BAHCC1: variants seen among roughly 807,000 people sequenced by gnomAD.
BAHCC1 encodes BAH and coiled-coil domain-containing protein 1.
In BAHCC1, 43 loss-of-function variants were observed where a neutral mutation model predicts 88.2. The observed-to-expected ratio is 0.49, with a 90% CI of 0.38 to 0.63. The LOEUF is 0.63. Ranked by LOEUF, BAHCC1 falls within the 20% of genes least tolerant of loss-of-function variation. The pLI, the probability that BAHCC1 is intolerant of heterozygous loss-of-function variation, is 0.00. For synonymous variants in BAHCC1, 1,510 were observed against 745.5 expected, an observed-to-expected ratio of 2.03 and a Z score of -16.71; for missense variants, 3,023 against 1,654.8, an observed-to-expected ratio of 1.83 and a Z score of -14.34.
rs782371402 is a variant in BAHCC1, at chr17:81,442,399, C to T, written c.1050C>T (p.Tyr350=). 23 of 698,750 alleles carry T rather than the reference C, an allele frequency of 3.3e-5. No homozygotes were observed. Among genetic ancestry groups the T allele is most frequent in the Admixed American group, 1.1e-4 (5 of 47,504 alleles). 43.3% of individuals were successfully genotyped at this position (698,750 alleles called of 1,614,324 possible). A position where few individuals can be genotyped will look rare whatever the true frequency, so the allele number is the denominator to read the frequency against. The stretch of plus-strand genomic sequence containing the variant: ...AGATGCTACACCACACCGCATCCTA[C>T]GCCGGGCCACCCCCGCCCCTCAGCA... ...RRQMLHHTAS[Y]AGPPPPLSTA... The change falls in exon 5 of 28, where the codon TAC becomes TAT. Residue 350 remains tyrosine, a synonymous_variant. Coordinates refer to ENST00000675386, the MANE Select transcript of BAHCC1 (RefSeq NM_001377448.1).
Position 81,447,448 on chromosome 17 carries a change from G to A in BAHCC1, c.3576G>A (p.Gln1192=). The A allele has an allele frequency of 1.3e-6, 1 of 744,186 alleles. No homozygotes were observed. The allele number at this position is 744,186 out of a possible 1,614,324, so 46.1% of individuals were successfully genotyped here. A position where few individuals can be genotyped will look rare whatever the true frequency, so the allele number is the denominator to read the frequency against. The change falls in exon 11 of 28, where the codon CAG becomes CAA. Residue 1192 remains glutamine (Q), a synonymous_variant. Transcript: ENST00000675386. Reference sequence around the variant, plus strand: ...AGAGGAGCAGGGAGGAGGGGGAGCAGGGGCCCTCGTCAGGGGCCTCCTCCC... The same window carrying A: ...AGAGGAGCAGGGAGGAGGGGGAGCAAGGGCCCTCGTCAGGGGCCTCCTCCC... ...REERSREEGE[Q]GPSSGASSQV...
Position 81,464,931 on chromosome 17 carries a change from C to T in BAHCC1, c.*1114C>T, listed in dbSNP as rs942312945. On this transcript the variant is annotated 3_prime_UTR_variant, in exon 28 of 28. Transcript: ENST00000675386. ...AAGTAGTAGGTGCCGTGAGAAGGGG[C>T]AGTTTGGCCAGGTTCCTGAACTGGG... is the stretch of plus-strand genomic sequence containing the variant. 1 of 152,224 alleles carries T rather than the reference C, an allele frequency of 6.6e-6. No homozygotes were observed. The highest frequency in any genetic ancestry group is 1.5e-5 in the Non-Finnish European group (1 of 68,068). The allele number at this position is 152,224 out of a possible 1,614,324, so 9.4% of individuals were successfully genotyped here.
intron 13 of BAHCC1, 85 bp from the exon 14 acceptor site, chr17:81,452,638 C>G: frequency 1.7e-6 from 1 of 599,124 alleles, no homozygotes; most frequent in Non-Finnish European, 3.0e-6. Context: ...CCCAGTAGCC[C>G]TCGAAGGCCA....
chr17:81,419,543 G>A (rs966464997), intron 2 of BAHCC1, among the ~76,000 whole-genome samples: 5 of 152,188 alleles, frequency 3.3e-5, no homozygotes, highest in Non-Finnish European at 7.4e-5. Flanking sequence ...GGTGTCCCCC[G>A]CCTGGGCGGG....
In BAHCC1 at chr17:81,452,860, T is replaced by C. The variant is rs1555656230; in HGVS notation, c.4445+9T>C. On this transcript the variant is annotated intron_variant, in intron 14 of 27. Coordinates refer to ENST00000675386, the MANE Select transcript of BAHCC1 (RefSeq NM_001377448.1). ...GATGGCAAGAAAGTCAAGTGAGTCC[T>C]GGGCACTGGCATGGCAGGGCGCGTG... is the stretch of plus-strand genomic sequence containing the variant. 1.4e-6 allele frequency: 1 copy of C among 737,156 alleles called. No individual in the cohort carries two copies. Among genetic ancestry groups the C allele is most frequent in the Admixed American group, 1.9e-5 (1 of 51,814 alleles). 45.7% of individuals were successfully genotyped at this position (737,156 alleles called of 1,614,324 possible).
chr17:81,443,181 G>A lies in BAHCC1; in HGVS notation c.1832G>A (p.Ser611Asn), dbSNP rs782101382. ...GGCGCCTACCTGGACCCCTTTGGCA[G>A]TGGCCTGCAGCAGGCGGCTCTTCTG... ...KAGAYLDPFG[S>N]GLQQAALLPQ... The change falls in exon 5 of 28, where the codon AGT becomes AAT. Residue 611 changes from serine (S) to asparagine (N), a missense_variant. Transcript: ENST00000675386. 1.3e-6 allele frequency: 1 copy of A among 779,150 alleles called. No homozygotes were observed. The highest frequency in any genetic ancestry group is 2.4e-5 in the East Asian group (1 of 41,250). 48.3% of individuals were successfully genotyped at this position (779,150 alleles called of 1,614,324 possible).
At chr17:81,403,531 C>A (rs889353669) in intron 2 of BAHCC1, among the ~76,000 whole-genome samples, 8 of 151,546 alleles carry the variant, frequency 5.3e-5, no homozygotes, top group Non-Finnish European at 1.2e-4. Flanking sequence ...CCAAAAAATA[C>A]CCCCAACTTG....
At position 81,447,061 on chromosome 17, in the gene BAHCC1, C is replaced by T. The variant is rs782141677; in HGVS notation, c.3189C>T (p.Pro1063=). 3 of 779,382 alleles carry T rather than the reference C, an allele frequency of 3.8e-6. No homozygotes were observed. The highest frequency in any genetic ancestry group is 2.7e-5 in the South Asian group (2 of 74,626). The allele number at this position is 779,382 out of a possible 1,614,324, so 48.3% of individuals were successfully genotyped here. A position where few individuals can be genotyped will look rare whatever the true frequency, so the allele number is the denominator to read the frequency against. ...ACCTGCCTCCCGGATACCTGCGCCC[C>T]ATGGCTGGCCTGGGCTTCTCCCTAC... ...EPDLPPGYLR[P]MAGLGFSLPS... The change falls in exon 11 of 28, where the codon CCC becomes CCT. Residue 1063 remains proline (P), a synonymous_variant. Coordinates refer to ENST00000675386, the MANE Select transcript of BAHCC1 (RefSeq NM_001377448.1).
At chr17:81,444,109 C>T (rs2064476655) in intron 6 of BAHCC1, 192 bp downstream of exon 6, 2 of 604,886 alleles carry the variant, frequency 3.3e-6, no homozygotes, top group Non-Finnish European at 5.9e-6. Flanking sequence ...TCAGTTAACC[C>T]CTTGCAGCGG....
intron 3 of BAHCC1, among the ~76,000 whole-genome samples, chr17:81,437,731 G>T (rs558381454): frequency 6.6e-6 from 1 of 152,110 alleles, no homozygotes; most frequent in Non-Finnish European, 1.5e-5. Flanking sequence ...GGCATGACTC[G>T]GAGTCACCGC....
In BAHCC1 at chr17:81,442,643, G is replaced by A. The variant is rs544465445; in HGVS notation, c.1294G>A (p.Asp432Asn). ...DRHLEGTMAPDHAAPYGVSYA... is the reference protein window; with the variant it reads ...DRHLEGTMAPNHAAPYGVSYA... Reference sequence around the variant, plus strand: ...GCACCTGGAGGGAACCATGGCCCCCGACCACGCTGCACCCTATGGAGTCTC... The same window carrying A: ...GCACCTGGAGGGAACCATGGCCCCCAACCACGCTGCACCCTATGGAGTCTC... Residue 432 changes from aspartate (D) to asparagine (N), a missense_variant, in exon 5 of 28, where the codon GAC becomes AAC. Physicochemically the swap from Asp to Asn is conservative, Grantham distance 23. Transcript: ENST00000675386. 1.2e-5 allele frequency: 9 copies of A among 776,180 alleles called. No individual in the cohort carries two copies. Among genetic ancestry groups the A allele is most frequent in the Middle Eastern group, 2.3e-4 (1 of 4,428 alleles). 48.1% of individuals were successfully genotyped at this position (776,180 alleles called of 1,614,324 possible). A position where few individuals can be genotyped will look rare whatever the true frequency, so the allele number is the denominator to read the frequency against.
chr17:81,461,548 G>T lies in BAHCC1; in HGVS notation c.6885G>T (p.Glu2295Asp). The T allele has an allele frequency of 1.4e-6, 1 of 725,916 alleles. No individual in the cohort carries two copies. Among genetic ancestry groups the T allele is most frequent in the East Asian group, 2.6e-5 (1 of 38,192 alleles). The allele number at this position is 725,916 out of a possible 1,614,324, so 45.0% of individuals were successfully genotyped here. Reference protein sequence around the residue: ...DSDCHSSFSDEDEDGPGLAAG... With the variant: ...DSDCHSSFSDDDEDGPGLAAG... Reference sequence around the variant, plus strand: ...ACTGCCACAGCTCCTTCTCGGACGAGGACGAGGACGGGCCGGGGCTGGCGG... The same window carrying T: ...ACTGCCACAGCTCCTTCTCGGACGATGACGAGGACGGGCCGGGGCTGGCGG... The change falls in exon 26 of 28, where the codon GAG becomes GAT. Residue 2295 changes from glutamate (E) to aspartate (D), a missense_variant. Coordinates refer to ENST00000675386, the MANE Select transcript of BAHCC1 (RefSeq NM_001377448.1).
In BAHCC1 at chr17:81,447,263, G is replaced by T. The variant is rs782690624; in HGVS notation, c.3391G>T (p.Ala1131Ser). The T allele has an allele frequency of 1.4e-6, 1 of 711,418 alleles. No homozygotes were observed. Among genetic ancestry groups the T allele is most frequent in the African/African-American group, 1.8e-5 (1 of 56,824 alleles). 44.1% of individuals were successfully genotyped at this position (711,418 alleles called of 1,614,324 possible). ...SGAREATQDL[A>S]ATPYPTERGP... ...GGCCAGGGAGGCCACCCAGGACCTT[G>T]CCGCCACCCCCTACCCTACCGAGCG... The change falls in exon 11 of 28, where the codon GCC (alanine) becomes TCC (serine). Residue 1131 changes from alanine (A) to serine (S), a missense_variant. By Grantham distance (99) the Ala-to-Ser change is moderately conservative (BLOSUM62 1). Coordinates refer to ENST00000675386, the MANE Select transcript of BAHCC1 (RefSeq NM_001377448.1).
rs1555659212 is a variant in BAHCC1, at chr17:81,461,197, G to A, written c.6534G>A (p.Arg2178=). The A allele has an allele frequency of 5.4e-6, 4 of 738,026 alleles. No homozygotes were observed. In the Admixed American group the frequency reaches 7.5e-5, roughly 14 times the overall value. The allele number at this position is 738,026 out of a possible 1,614,324, so 45.7% of individuals were successfully genotyped here. ...FVGGTGPGLP[R]GAHKLLRAKK... The stretch of plus-strand genomic sequence containing the variant: ...GGGGGACCGGGCCGGGCCTCCCCAG[G>A]GGAGCCCACAAGCTGCTGCGGGCTA... The change falls in exon 26 of 28, where the codon AGG becomes AGA. Residue 2178 remains arginine, a synonymous_variant. Transcript: ENST00000675386.
Position 81,442,161 on chromosome 17 carries a change from GGGCCTGCGAGGGCCGC to G in BAHCC1, c.813_828del (p.Ala272ProfsTer23). 1 of 650,444 alleles carries G rather than the reference GGGCCTGCGAGGGCCGC, an allele frequency of 1.5e-6. No individual in the cohort carries two copies. The allele number at this position is 650,444 out of a possible 1,614,324, so 40.3% of individuals were successfully genotyped here. ...AGGGAGGGCGGCCCCGCACCCCGAG[GGGCCTGCGAGGGCCGC>G]CCCAAGCACCTCACCTCCTGCCTCC... On this transcript the variant is annotated frameshift_variant, in exon 5 of 28. Coordinates refer to ENST00000675386, the MANE Select transcript of BAHCC1 (RefSeq NM_001377448.1). LOFTEE classifies it high-confidence loss of function.
At chr17:81,418,528 T>C (rs1347575451) in intron 2 of BAHCC1, among the ~76,000 whole-genome samples, 1 of 152,106 alleles carries the variant, frequency 6.6e-6, no homozygotes, top group Non-Finnish European at 1.5e-5. Flanking sequence ...CTACCACCAG[T>C]GGGCCGGGAC....
chr17:81,447,970 G>A, intron 11 of BAHCC1, 122 bp downstream of exon 11: 1 of 654,492 alleles, frequency 1.5e-6, no homozygotes, highest in Non-Finnish European at 2.8e-6. Flanking sequence ...AAGTGTGGTA[G>A]GTCCCCTGGA....
chr17:81,408,369 G>A (rs557923240), intron 2 of BAHCC1, among the ~76,000 whole-genome samples: 13 of 152,018 alleles, frequency 8.6e-5, no homozygotes, highest in East Asian at 7.8e-4. Flanking sequence ...CTAGATGCTC[G>A]GCTACCCCAG....
rs781829596 is a variant in BAHCC1, at chr17:81,458,464, C to T, written c.5341C>T (p.Arg1781Trp). Residue 1781 changes from arginine (R) to tryptophan (W), a missense_variant and splice_region_variant, in exon 18 of 28, where the codon CGG (arginine) becomes TGG (tryptophan). By Grantham distance (101) the Arg-to-Trp change is moderately radical. Coordinates refer to ENST00000675386, the MANE Select transcript of BAHCC1 (RefSeq NM_001377448.1). ...GGGCACAGTGCTGCAGCCAGTGCTG[C>T]GGGTGAGGCTGGGCTCTGGGGTGCT... Reference protein sequence around the residue: ...RKGTVLQPVLRRKNGALSITL... With the variant: ...RKGTVLQPVLWRKNGALSITL... 2.1e-5 allele frequency: 15 copies of T among 709,176 alleles called. No homozygotes were observed. The highest frequency in any genetic ancestry group is 6.0e-5 in the South Asian group (4 of 66,162). The allele number at this position is 709,176 out of a possible 1,614,324, so 43.9% of individuals were successfully genotyped here. A position where few individuals can be genotyped will look rare whatever the true frequency, so the allele number is the denominator to read the frequency against.
Sources: gnomAD v4.1 joint callset for allele counts (sites outside exome capture counted in the v4.1 genomes callset) on GRCh38, gnomAD v4.1.1 for gene constraint, MANE v1.5 for transcripts, NCBI Gene and HGNC (gene_info 2026-07-23, HGNC 2026-07-21) for gene names.